Variants in AFF2 observed in about 807,000 individuals in gnomAD.
AFF2 encodes the protein ALF transcription elongation factor 2.
AFF2 carries 14 observed loss-of-function variants against 76.9 expected under a neutral mutation model. The observed-to-expected ratio is 0.18, with a 90% CI of 0.12 to 0.28. The LOEUF (loss-of-function observed/expected upper bound fraction) is 0.28, where lower values mean the gene tolerates loss of function less well. Ranked by LOEUF, AFF2 falls within the 10% of genes least tolerant of loss-of-function variation. AFF2 has a pLI of 1.00. For synonymous variants in AFF2, 398 were observed against 366.7 expected (o/e 1.09, Z -0.98); for missense variants, 868 against 1,001.1 (o/e 0.87, Z 1.79).
chrX:148,780,841 G>A (rs1388066487), intron 3 of AFF2, among the ~76,000 whole-genome samples: 2 of 111,696 alleles, frequency 1.8e-5, no homozygotes, highest in South Asian at 3.8e-4. Flanking sequence ...TCTGGTTTTT[G>A]GAATTTTCAG....
intron 9 of AFF2, among the ~76,000 whole-genome samples, chrX:148,944,944 C>T (rs1276815364): frequency 2.7e-5 from 3 of 111,635 alleles, no homozygotes; most frequent in African/African-American, 9.8e-5. Context: ...CAGCTGTAAA[C>T]TGGAAGTAGT....
intron 1 of AFF2, among the ~76,000 whole-genome samples, chrX:148,638,599 C>T (rs2054056158): frequency 1.8e-5 from 2 of 111,669 alleles, no homozygotes; most frequent in South Asian, 7.6e-4. Flanking sequence ...CACTGTTCTG[C>T]AGGCGGTTCA....
intron 1 of AFF2, among the ~76,000 whole-genome samples, chrX:148,581,396 G>A (rs2053395502): frequency 1.1e-5 from 1 of 87,245 alleles, no homozygotes; most frequent in Non-Finnish European, 2.3e-5. Context: ...ACGTATATAC[G>A]TATACGTGTA....
chrX:148,920,584 A>ATACTTTAAG (rs2071581851), intron 9 of AFF2, among the ~76,000 whole-genome samples: 1 of 102,652 alleles, frequency 9.7e-6, no homozygotes, highest in African/African-American at 3.6e-5. Flanking sequence ...GTGAAGGACA[A>ATACTTTAAG]AAATGTGTAT....
chrX:148,914,334 A>G (rs1160016669), intron 9 of AFF2, among the ~76,000 whole-genome samples: 1 of 111,776 alleles, frequency 8.9e-6, no homozygotes, highest in African/African-American at 3.3e-5. Flanking sequence ...CAAGTGTGTG[A>G]GTTGTAGAAT....
chrX:148,583,314 T>TTAG (rs1482000168), intron 1 of AFF2, among the ~76,000 whole-genome samples: 1 of 112,113 alleles, frequency 8.9e-6, no homozygotes, highest in African/African-American at 3.2e-5. Context: ...GATTTAGCAT[T>TTAG]CATTGACAAT....
At chrX:148,745,917 A>G (rs782534756) in intron 3 of AFF2, among the ~76,000 whole-genome samples, 1 of 110,215 alleles carries the variant, frequency 9.1e-6, no homozygotes, top group Admixed American at 9.7e-5. Context: ...TAATTTATGT[A>G]TTTTTAGTAG....
intron 1 of AFF2, among the ~76,000 whole-genome samples, chrX:148,569,835 T>G (rs782818106): frequency 8.9e-6 from 1 of 111,802 alleles, no homozygotes; most frequent in African/African-American, 3.2e-5. Flanking sequence ...AAAAATGTAA[T>G]GTTTACCAAA....
In AFF2 at chrX:148,572,755, G is replaced by A. The variant is rs372322956; in HGVS notation, c.47+71611G>A. The stretch of plus-strand genomic sequence containing the variant: ...GAGTGGTTGTCAGGGGCTGCTGGGA[G>A]GGGAGAATGTAGAGTGACTGCTAAT... On this transcript the variant is annotated intron_variant, in intron 1 of 20. Transcript: ENST00000370460. Among the ~76,000 whole-genome samples, 3 of 111,323 alleles carry A rather than the reference G, an allele frequency of 2.7e-5. No homozygotes were observed. In the East Asian group the frequency reaches 8.5e-4, roughly 32 times the overall value.
intron 3 of AFF2, among the ~76,000 whole-genome samples, chrX:148,805,833 C>CA (rs2070123891): frequency 8.9e-6 from 1 of 112,508 alleles, no homozygotes; most frequent in Non-Finnish European, 1.9e-5. Flanking sequence ...TGTGCACCTC[C>CA]CTTCCCTGGC....
chrX:148,729,588 G>A (rs2055198065), intron 3 of AFF2, among the ~76,000 whole-genome samples: 1 of 111,582 alleles, frequency 9.0e-6, no homozygotes, highest in African/African-American at 3.3e-5. Context: ...CATTCTGGTG[G>A]TGAGTAGAAA....
intron 3 of AFF2, among the ~76,000 whole-genome samples, chrX:148,743,040 T>C (rs1367325111): frequency 8.9e-6 from 1 of 112,236 alleles, no homozygotes; most frequent in African/African-American, 3.2e-5. Flanking sequence ...TGTTTATAGC[T>C]CTATTTCTAG....
chrX:148,857,359 C>T (rs1320070451), intron 7 of AFF2, among the ~76,000 whole-genome samples: 7 of 111,211 alleles, frequency 6.3e-5, no homozygotes, highest in Non-Finnish European at 1.3e-4. Context: ...TTTTTTCTTC[C>T]CTTGCTAAAA....
chrX:148,685,794 T>A (rs181102223), intron 3 of AFF2, among the ~76,000 whole-genome samples: 1,888 of 111,260 alleles, frequency 0.017, 18 homozygotes, highest in Non-Finnish European at 0.025. Context: ...TCATTTTTTT[T>A]AAAATTACCG....
At chrX:148,693,921 A>G (rs781946097) in intron 3 of AFF2, among the ~76,000 whole-genome samples, 4 of 111,512 alleles carry the variant, frequency 3.6e-5, no homozygotes, top group Non-Finnish European at 5.6e-5. Context: ...AACCAACCCA[A>G]ATGTCCAACA....
chrX:148,687,988 G>T (rs1262233905), intron 3 of AFF2, among the ~76,000 whole-genome samples: 5 of 110,582 alleles, frequency 4.5e-5, no homozygotes, highest in African/African-American at 1.6e-4. Flanking sequence ...CTGAACAGCT[G>T]ATGGCGCTAC....
At chrX:148,885,633 A>G (rs782731200) in intron 7 of AFF2, among the ~76,000 whole-genome samples, 3 of 111,824 alleles carry the variant, frequency 2.7e-5, no homozygotes, top group Admixed American at 9.5e-5. Flanking sequence ...GAATCCAGTC[A>G]TCTCTGGAGA....
chrX:148,559,937 T>C (rs1470126812), intron 1 of AFF2, among the ~76,000 whole-genome samples: 1 of 111,987 alleles, frequency 8.9e-6, no homozygotes, highest in Non-Finnish European at 1.9e-5. Context: ...CTCCAGCATC[T>C]GTTGTTTCCT....
chrX:148,883,453 C>T (rs1162081857), intron 7 of AFF2, among the ~76,000 whole-genome samples: 1 of 111,435 alleles, frequency 9.0e-6, no homozygotes, highest in Non-Finnish European at 1.9e-5. Context: ...TCACCACCAC[C>T]CTCCTGTGAT....
Sources: gnomAD v4.1 joint callset for allele counts (sites outside exome capture counted in the v4.1 genomes callset) on GRCh38, gnomAD v4.1.1 for gene constraint, MANE v1.5 for transcripts, NCBI Gene and HGNC (gene_info 2026-07-23, HGNC 2026-07-21) for gene names.